Variants in XPNPEP3 observed in about 807,000 individuals in gnomAD.
XPNPEP3 encodes the protein xaa-Pro aminopeptidase 3.
A neutral mutation model predicts 60.0 loss-of-function variants in XPNPEP3; 41 were observed. That is an observed-to-expected ratio of 0.68 (90% CI 0.53 to 0.89). The LOEUF is 0.89. Ranked by LOEUF, XPNPEP3 falls within the 40% of genes least tolerant of loss-of-function variation. The pLI, the probability that XPNPEP3 is intolerant of heterozygous loss-of-function variation, is 0.00. For synonymous variants in XPNPEP3, 212 were observed against 223.2 expected, an observed-to-expected ratio of 0.95 and a Z score of 0.45; for missense variants, 598 against 638.9, an observed-to-expected ratio of 0.94 and a Z score of 0.69.
intron 6 of XPNPEP3, among the ~76,000 whole-genome samples, chr22:40,910,466 A>C (rs2058173059): frequency 6.6e-6 from 1 of 152,004 alleles, no homozygotes; most frequent in Non-Finnish European, 1.5e-5. Flanking sequence ...GCACTTGGGG[A>C]GGTCAAGGTG....
chr22:40,893,640 G>A lies in XPNPEP3; in HGVS notation c.792+7125G>A, dbSNP rs141652939. 1.4e-3 allele frequency among the ~76,000 whole-genome samples: 214 copies of A among 151,824 alleles called. 2 individuals are homozygous for A. The highest frequency in any genetic ancestry group is 1.9e-3 in the Non-Finnish European group (129 of 67,948). ...TTTTTGTTTTTTGTGTTTTGAGATG[G>A]AGTTTCACTCTTGTTGCCCTGGCTG... On this transcript the variant is annotated intron_variant, in intron 4 of 9. Coordinates refer to ENST00000357137, the MANE Select transcript of XPNPEP3 (RefSeq NM_022098.4).
chr22:40,907,285 G>A (rs542687587), intron 4 of XPNPEP3: 1 of 419,138 alleles, frequency 2.4e-6, no homozygotes, highest in East Asian at 6.4e-5. Context: ...GCCGGGTGTG[G>A]TGGCGGGCGC....
At chr22:40,914,714 A>C (rs937061622) in intron 7 of XPNPEP3, among the ~76,000 whole-genome samples, 7 of 151,850 alleles carry the variant, frequency 4.6e-5, no homozygotes, top group Non-Finnish European at 7.4e-5. Flanking sequence ...GCACATTGCC[A>C]CCATGCCTGA....
At chr22:40,879,410 A>G (rs544500986) in intron 2 of XPNPEP3, among the ~76,000 whole-genome samples, 4 of 152,190 alleles carry the variant, frequency 2.6e-5, no homozygotes, top group Non-Finnish European at 5.9e-5. Context: ...TATAGGTAAA[A>G]CAATTAGATC....
chr22:40,881,867 A>G lies in XPNPEP3; in HGVS notation c.279A>G (p.Thr93=), dbSNP rs1312425113. 6.2e-7 allele frequency: 1 copy of G among 1,614,192 alleles called. No individual in the cohort carries two copies. Among genetic ancestry groups the G allele is most frequent in the Non-Finnish European group, 8.5e-7 (1 of 1,180,024 alleles). ...AGGAAGCTCAAGGGCAGAGTGGGAC[A>G]GACCAGACAGTGGTTGTGCTCTCCA... ...IQKEAQGQSG[T]DQTVVVLSNP... The change falls in exon 3 of 10, where the codon ACA becomes ACG. Residue 93 remains threonine (T), a synonymous_variant. Transcript: ENST00000357137.
intron 8 of XPNPEP3, among the ~76,000 whole-genome samples, 191 bp downstream of exon 8, chr22:40,922,704 A>C (rs534353527): frequency 6.6e-6 from 1 of 151,572 alleles, no homozygotes; most frequent in Admixed American, 6.6e-5. Context: ...AGACCCATCT[A>C]TATACATGTA....
chr22:40,882,067 G>T lies in XPNPEP3; in HGVS notation c.479G>T (p.Arg160Leu). 6.2e-7 allele frequency: 1 copy of T among 1,614,092 alleles called. No individual in the cohort carries two copies. Among genetic ancestry groups the T allele is most frequent in the Non-Finnish European group, 8.5e-7 (1 of 1,179,992 alleles). ...TTTGTGCCTCGGCGAGATCCCAGTC[G>T]AGAACTTTGGGATGGTCCGCGATCT... ...ILFVPRRDPS[R>L]ELWDGPRSGT... The change falls in exon 3 of 10, where the codon CGA becomes CTA. Residue 160 changes from arginine to leucine, a missense_variant. Physicochemically the swap from Arg to Leu is moderately radical, Grantham distance 102. Coordinates refer to ENST00000357137, the MANE Select transcript of XPNPEP3 (RefSeq NM_022098.4).
chr22:40,867,459 G>T (rs978641539), intron 1 of XPNPEP3, among the ~76,000 whole-genome samples: 1 of 152,086 alleles, frequency 6.6e-6, no homozygotes, highest in Non-Finnish European at 1.5e-5. Flanking sequence ...GTTAATTCCA[G>T]TTTGTAGAAG....
chr22:40,866,162 C>A (rs1473276113), intron 1 of XPNPEP3, among the ~76,000 whole-genome samples: 2 of 151,632 alleles, frequency 1.3e-5, no homozygotes, highest in African/African-American at 4.8e-5. Context: ...TTCTTTATTT[C>A]TTATGTCCAA....
chr22:40,907,473 G>A, intron 4 of XPNPEP3, 114 bp from the exon 5 acceptor site: 7 of 1,098,558 alleles, frequency 6.4e-6, no homozygotes, highest in Non-Finnish European at 9.7e-6. Flanking sequence ...CACAACTTCA[G>A]GCTGACGAAA....
chr22:40,887,897 C>G (rs2058075302), intron 4 of XPNPEP3, among the ~76,000 whole-genome samples: 1 of 151,804 alleles, frequency 6.6e-6, no homozygotes, highest in Non-Finnish European at 1.5e-5. Context: ...TTATTCTCTC[C>G]AAGGTGTTGG....
In XPNPEP3 at chr22:40,868,274, TG is replaced by T. The variant is rs1473599065; in HGVS notation, c.65-724del. 3.3e-5 allele frequency among the ~76,000 whole-genome samples: 5 copies of T among 152,166 alleles called. No homozygotes were observed. In the East Asian group the frequency reaches 9.6e-4, roughly 29 times the overall value. On this transcript the variant is annotated intron_variant, in intron 1 of 9. Transcript: ENST00000357137. ...TGCTTAACATATTCTCAATAAAAAATGTTGATTATCTTTTCCTGAGTTTTAG... is the reference window on the plus strand; with the variant it reads ...TGCTTAACATATTCTCAATAAAAAATTTGATTATCTTTTCCTGAGTTTTAG...
intron 4 of XPNPEP3, among the ~76,000 whole-genome samples, chr22:40,891,320 A>G (rs990091355): frequency 6.6e-6 from 1 of 151,302 alleles, no homozygotes; most frequent in African/African-American, 2.4e-5. Flanking sequence ...CGATCATGCC[A>G]CTGCACTCTG....
rs2058015072 is a variant in XPNPEP3, at chr22:40,873,304, C to CAT, written c.181+4192_181+4193dup. On this transcript the variant is annotated intron_variant, in intron 2 of 9. Coordinates refer to ENST00000357137, the MANE Select transcript of XPNPEP3 (RefSeq NM_022098.4). ...ATTTTTAGTAGAGAGGGGGTTTCAC[C>CAT]ATATTGGTCAGGCTGGTTTTGAACT... Among the ~76,000 whole-genome samples the CAT allele has an allele frequency of 1.3e-5, 2 of 150,930 alleles. 1 individual carries two copies. Among genetic ancestry groups the CAT allele is most frequent in the South Asian group, 4.2e-4 (2 of 4,770 alleles).
intron 7 of XPNPEP3, chr22:40,917,727 C>CAA (rs1476722783): frequency 2.0e-5 from 3 of 151,922 alleles, no homozygotes; most frequent in South Asian, 2.1e-4. Flanking sequence ...CCAATCTCTA[C>CAA]AAAAAAACAT....
At chr22:40,923,777 A>G (rs1468174365) in intron 8 of XPNPEP3, among the ~76,000 whole-genome samples, 5 of 152,116 alleles carry the variant, frequency 3.3e-5, no homozygotes, top group Non-Finnish European at 2.9e-5. Flanking sequence ...GCTTGAACCC[A>G]GGAGACAGAG....
chr22:40,896,410 A>C (rs970220088), intron 4 of XPNPEP3, among the ~76,000 whole-genome samples: 2 of 152,086 alleles, frequency 1.3e-5, no homozygotes, highest in African/African-American at 4.8e-5. Context: ...GCATGCCTGC[A>C]ATCCCAGCAC....
In XPNPEP3 at chr22:40,914,243, G is replaced by C. The variant is rs1231898522; in HGVS notation, c.974G>C (p.Gly325Ala). Reference sequence around the variant, plus strand: ...ACCTGTCTTACTTTGTTCCAGGATGGGGAAATGGTGCTTCTGGATGGAGGT... The same window carrying C: ...ACCTGTCTTACTTTGTTCCAGGATGCGGAAATGGTGCTTCTGGATGGAGGT... ...YVKNNQLIKD[G>A]EMVLLDGGCE... The change falls in exon 7 of 10, where the codon GGG (glycine) becomes GCG (alanine). Residue 325 changes from glycine to alanine, a missense_variant. Gly to Ala is a moderately conservative substitution (Grantham distance 60). Coordinates refer to ENST00000357137, the MANE Select transcript of XPNPEP3 (RefSeq NM_022098.4). The C allele has an allele frequency of 3.7e-6, 6 of 1,613,802 alleles. No homozygotes were observed. The highest frequency in any genetic ancestry group is 4.2e-6 in the Non-Finnish European group (5 of 1,179,910).
At position 40,926,917 on chromosome 22, in the gene XPNPEP3, G is replaced by A; in HGVS notation, c.*482G>A. ...ATTCATCTTTCGGTGATTGTGGGCG[G>A]CCAATACATACCTTCTGTAACTCCT... On this transcript the variant is annotated 3_prime_UTR_variant, in exon 10 of 10. Transcript: ENST00000357137. 1 of 236,332 alleles carries A rather than the reference G, an allele frequency of 4.2e-6. No individual in the cohort carries two copies. Among genetic ancestry groups the A allele is most frequent in the Non-Finnish European group, 8.4e-6 (1 of 118,510 alleles). 14.6% of individuals were successfully genotyped at this position (236,332 alleles called of 1,614,324 possible).
Sources: gnomAD v4.1 joint callset for allele counts (sites outside exome capture counted in the v4.1 genomes callset) on GRCh38, gnomAD v4.1.1 for gene constraint, MANE v1.5 for transcripts, NCBI Gene and HGNC (gene_info 2026-07-23, HGNC 2026-07-21) for gene names.